The following DLG3 variants were observed in gnomAD, a reference collection of about 807,000 sequenced individuals.
DLG3 encodes the protein discs large MAGUK scaffold protein 3.
Under a neutral mutation model 64.1 loss-of-function variants are expected in DLG3, and 1 was observed. The ratio of observed to expected loss-of-function variants is 0.02; its 90% confidence interval spans 0.01 to 0.07. The LOEUF is 0.07. DLG3 is among the 10% of genes least tolerant of loss of function. DLG3 has a pLI of 1.00. For synonymous variants in DLG3, 245 were observed against 259.8 expected (o/e 0.94, Z 0.55); for missense variants, 429 against 669.5 (o/e 0.64, Z 3.96).
chrX:70,499,571 A>G (rs959926206), intron 15 of DLG3, among the ~76,000 whole-genome samples: 10 of 111,578 alleles, frequency 9.0e-5, no homozygotes, highest in Non-Finnish European at 1.5e-4. Flanking sequence ...GACTCCATTA[A>G]CAGTTTGTTA....
rs779176590 is a variant in DLG3, at chrX:70,478,327, G to A, written c.1406-823G>A. The stretch of plus-strand genomic sequence containing the variant: ...CTTGTATCAGGTTTTCTTAAATTCG[G>A]CATAAACCTGTATTACATTTCCAGA... On this transcript the variant is annotated intron_variant, in intron 9 of 18. Transcript: ENST00000374360. Among the ~76,000 whole-genome samples the A allele has an allele frequency of 3.6e-5, 4 of 111,742 alleles. No individual in the cohort carries two copies. In the East Asian group the frequency reaches 1.1e-3, roughly 31 times the overall value.
intron 17 of DLG3, 83 bp downstream of exon 17, chrX:70,500,663 C>G (rs1642762881): frequency 3.5e-6 from 3 of 861,944 alleles, no homozygotes; most frequent in Middle Eastern, 2.7e-4. Flanking sequence ...ATTTGCTGGG[C>G]AGAAACTTGA....
rs556863154 is a variant in DLG3, at chrX:70,496,593, A to G, written c.1819+1140A>G. On this transcript the variant is annotated intron_variant, in intron 13 of 18. Coordinates refer to ENST00000374360, the MANE Select transcript of DLG3 (RefSeq NM_021120.4). ...TTTTGACATATGTGTCTGGTGGTGG[A>G]TGGAGATGCTTCCCCTCTCACCACT... 1.6e-4 allele frequency among the ~76,000 whole-genome samples: 18 copies of G among 112,235 alleles called. No homozygotes were observed. In the South Asian group the frequency reaches 6.7e-3, roughly 42 times the overall value.
chrX:70,500,713 T>G (rs1248822584), intron 17 of DLG3, 133 bp downstream of exon 17: 7 of 685,136 alleles, frequency 1.0e-5, no homozygotes, highest in Non-Finnish European at 1.6e-5. Context: ...TGGGCGCTCC[T>G]GTTTTGAGGG....
In DLG3 at chrX:70,504,449, G is replaced by A. The variant is rs191621121; in HGVS notation, c.*2180G>A. On this transcript the variant is annotated 3_prime_UTR_variant, in exon 19 of 19. Transcript: ENST00000374360. ...TGGGAAGAACATCCCAAACTTTTGG[G>A]GGCCAGAGGGCTCTCTCCTTAGTGA... 264 of 112,308 alleles carry A rather than the reference G, an allele frequency of 2.4e-3. No individual in the cohort carries two copies. Among genetic ancestry groups the A allele is most frequent in the Non-Finnish European group, 4.3e-3 (231 of 53,194 alleles). 9.3% of individuals were successfully genotyped at this position (112,308 alleles called of 1,213,427 possible).
intron 13 of DLG3, among the ~76,000 whole-genome samples, chrX:70,495,889 A>G (rs898546732): frequency 1.8e-5 from 2 of 111,336 alleles, no homozygotes; most frequent in Non-Finnish European, 3.8e-5. Flanking sequence ...AACTAGGGGC[A>G]AGGGTACTGT....
At chrX:70,478,368 C>T (rs1289601714) in intron 9 of DLG3, among the ~76,000 whole-genome samples, 2 of 111,692 alleles carry the variant, frequency 1.8e-5, no homozygotes, top group East Asian at 5.6e-4. Context: ...AAGGCTGTTT[C>T]CAGCTGTTGT....
intron 13 of DLG3, among the ~76,000 whole-genome samples, chrX:70,497,751 G>A (rs1473323399): frequency 8.9e-6 from 1 of 112,111 alleles, no homozygotes; most frequent in Non-Finnish European, 1.9e-5. Flanking sequence ...AGGAGCTATG[G>A]TGGCTAGAAG....
At chrX:70,483,568 A>G (rs2087204227) in intron 10 of DLG3, among the ~76,000 whole-genome samples, 1 of 112,294 alleles carries the variant, frequency 8.9e-6, no homozygotes, top group Admixed American at 9.4e-5. Flanking sequence ...TCCCCTGAGT[A>G]TCTATCTCCC....
Position 70,445,381 on chromosome X carries a change from C to G in DLG3, c.180C>G (p.Pro60=). The G allele has an allele frequency of 2.5e-6, 3 of 1,181,028 alleles. No homozygotes were observed. The highest frequency in any genetic ancestry group is 2.3e-4 in the Middle Eastern group (1 of 4,281). ...GYGGYSSQTL[P]SQAGATPTPR... The stretch of plus-strand genomic sequence containing the variant: ...GGGGCTACAGCTCGCAGACCTTGCC[C>G]TCGCAGGCGGGGGCCACCCCCACCC... Residue 60 remains proline (P), a synonymous_variant, in exon 1 of 19, where the codon CCC becomes CCG. Transcript: ENST00000374360.
intron 1 of DLG3, among the ~76,000 whole-genome samples, chrX:70,446,651 C>CT (rs1375434373): frequency 8.9e-6 from 1 of 112,859 alleles, no homozygotes; most frequent in East Asian, 2.8e-4. Context: ...CCGGCTTCCA[C>CT]TCCCAGCCTA....
At chrX:70,490,088 C>A (rs965184250) in intron 10 of DLG3, among the ~76,000 whole-genome samples, 9 of 111,421 alleles carry the variant, frequency 8.1e-5, no homozygotes, top group Non-Finnish European at 1.7e-4. Flanking sequence ...GTCTCGAACT[C>A]CTGACCTCAA....
chrX:70,453,176 T>G, intron 7 of DLG3: 1 of 156,834 alleles, frequency 6.4e-6, no homozygotes, highest in South Asian at 2.1e-4. Context: ...TGCAGAAGAG[T>G]GTCTGTGAAG....
At chrX:70,491,653 CT>C (rs1235522116) in intron 10 of DLG3, among the ~76,000 whole-genome samples, 1 of 112,293 alleles carries the variant, frequency 8.9e-6, no homozygotes, top group Non-Finnish European at 1.9e-5. Context: ...ACATAGGGCC[CT>C]TTCTTTAGTG....
At chrX:70,473,216 A>G (rs1486892462) in intron 9 of DLG3, among the ~76,000 whole-genome samples, 1 of 108,056 alleles carries the variant, frequency 9.3e-6, no homozygotes, top group East Asian at 2.9e-4. Flanking sequence ...GCCTTGTATG[A>G]TCTGACCCCT....
chrX:70,453,836 G>C (rs1358657881), intron 8 of DLG3, 43 bp downstream of exon 8: 1 of 1,097,016 alleles, frequency 9.1e-7, no homozygotes, highest in Non-Finnish European at 1.2e-6. Flanking sequence ...AACTGTGCCA[G>C]TCTAAAATGG....
chrX:70,445,662 G>A, intron 1 of DLG3, 104 bp downstream of exon 1: 1 of 768,229 alleles, frequency 1.3e-6, no homozygotes, highest in Non-Finnish European at 1.9e-6. Flanking sequence ...CTCCAAGCCT[G>A]TGGACCCCGA....
intron 9 of DLG3, among the ~76,000 whole-genome samples, chrX:70,478,026 T>C (rs969238279): frequency 8.9e-6 from 1 of 112,079 alleles, no homozygotes; most frequent in African/African-American, 3.2e-5. Context: ...AGTGTGTTTG[T>C]TTTTTAAAGC....
At chrX:70,467,611 T>C (rs1472967094) in intron 9 of DLG3, among the ~76,000 whole-genome samples, 1 of 111,927 alleles carries the variant, frequency 8.9e-6, no homozygotes, top group Non-Finnish European at 1.9e-5. Flanking sequence ...GACTCTCCAT[T>C]GACCTGGTAA....
Sources: allele counts gnomAD v4.1 joint callset (sites outside exome capture counted in the v4.1 genomes callset), GRCh38; gene constraint gnomAD v4.1.1; transcripts MANE v1.5; gene names NCBI Gene and HGNC (gene_info 2026-07-23, HGNC 2026-07-21).